SLC9B1: variants seen among roughly 807,000 people sequenced by gnomAD.
SLC9B1 encodes the protein sodium/hydrogen exchanger 9B1.
SLC9B1 carries 32 observed loss-of-function variants against 51.7 expected under a neutral mutation model. The ratio of observed to expected loss-of-function variants is 0.62; its 90% CI spans 0.47 to 0.83. SLC9B1 has a LOEUF of 0.83. Among genes scored for constraint, SLC9B1 ranks in the 40% least tolerant of loss-of-function variants. The pLI is 0.00. For synonymous variants in SLC9B1, 145 were observed against 212.7 expected (o/e 0.68, Z 2.77); for missense variants, 406 against 613.2 (o/e 0.66, Z 3.57).
At chr4:102,971,658 T>C (rs1301032531) in intron 3 of SLC9B1, among the ~76,000 whole-genome samples, 1 of 152,038 alleles carries the variant, frequency 6.6e-6, no homozygotes, top group East Asian at 1.9e-4. Flanking sequence ...CTGAAGGAGA[T>C]AGAGACATAA....
chr4:102,913,192 T>C (rs1578340446), intron 7 of SLC9B1, among the ~76,000 whole-genome samples: 5 of 152,246 alleles, frequency 3.3e-5, no homozygotes, highest in Admixed American at 3.3e-4. Flanking sequence ...AACGGAATAG[T>C]TTTATGAGGT....
intron 3 of SLC9B1, among the ~76,000 whole-genome samples, chr4:102,970,829 G>T (rs1738717713): frequency 1.3e-5 from 2 of 152,106 alleles, no homozygotes; most frequent in South Asian, 2.1e-4. Flanking sequence ...AATAGCAGGG[G>T]TTGCAATCCT....
chr4:102,918,096 G>GAAA (rs71596380), intron 7 of SLC9B1, among the ~76,000 whole-genome samples: 1 of 120,624 alleles, frequency 8.3e-6, no homozygotes, highest in Non-Finnish European at 1.6e-5. Flanking sequence ...AAAGGCTAGA[G>GAAA]AAAAAAAAAA....
At chr4:102,991,368 C>T (rs1023396252) in intron 2 of SLC9B1, among the ~76,000 whole-genome samples, 56 of 152,012 alleles carry the variant, frequency 3.7e-4, no homozygotes, top group Admixed American at 3.7e-3. Context: ...ACTGAGTTTT[C>T]CCTGAATGTG....
At chr4:102,963,675 C>T (rs1738263119) in intron 3 of SLC9B1, among the ~76,000 whole-genome samples, 1 of 152,076 alleles carries the variant, frequency 6.6e-6, no homozygotes, top group Admixed American at 6.6e-5. Flanking sequence ...TCAAAAATGG[C>T]CCAAAATAGT....
chr4:103,016,134 CAA>C (rs61227731), intron 1 of SLC9B1, among the ~76,000 whole-genome samples: 23 of 49,630 alleles, frequency 4.6e-4, no homozygotes, highest in East Asian at 6.4e-4. Context: ...AACTCTGTCT[CAA>C]AAAAAAAAAA....
intron 1 of SLC9B1, among the ~76,000 whole-genome samples, chr4:102,994,033 GTC>G (rs1330891082): frequency 6.6e-6 from 1 of 152,148 alleles, no homozygotes; most frequent in East Asian, 1.9e-4. Flanking sequence ...TGCCACAAAG[GTC>G]TCTGAAAATG....
At chr4:102,942,439 T>C (rs1737051536) in intron 6 of SLC9B1, among the ~76,000 whole-genome samples, 1 of 152,170 alleles carries the variant, frequency 6.6e-6, no homozygotes. Flanking sequence ...ACTATAAGGC[T>C]ATAGTCACCA....
At chr4:102,912,435 CATTAAT>C (rs1437810662) in intron 7 of SLC9B1, among the ~76,000 whole-genome samples, 1 of 151,634 alleles carries the variant, frequency 6.6e-6, no homozygotes, top group Admixed American at 6.6e-5. Context: ...ATTTTATATT[CATTAAT>C]ATTAATATAT....
chr4:102,889,580 A>G (rs1187593127), intron 11 of SLC9B1: 8 of 152,270 alleles, frequency 5.3e-5, no homozygotes, highest in Non-Finnish European at 1.2e-4. Flanking sequence ...TATCTCATAA[A>G]AGGTAATTTT....
chr4:102,959,038 A>C (rs573433730), intron 3 of SLC9B1, among the ~76,000 whole-genome samples: 1 of 152,322 alleles, frequency 6.6e-6, no homozygotes, highest in South Asian at 2.1e-4. Flanking sequence ...CATAGAAAAC[A>C]AATAACAAAA....
At chr4:102,985,325 A>G (rs866992554) in intron 3 of SLC9B1, among the ~76,000 whole-genome samples, 1 of 152,182 alleles carries the variant, frequency 6.6e-6, no homozygotes, top group Non-Finnish European at 1.5e-5. Context: ...TTGGGTTAAT[A>G]TCAATCATGC....
At chr4:102,910,364 G>A (rs1735279656) in intron 9 of SLC9B1, 75 bp downstream of exon 9, 1 of 1,316,406 alleles carries the variant, frequency 7.6e-7, no homozygotes, top group Non-Finnish European at 1.0e-6. Flanking sequence ...CAACCAGAAT[G>A]AGGGGATTTC....
At chr4:102,916,159 G>A (rs1269063473) in intron 7 of SLC9B1, among the ~76,000 whole-genome samples, 3 of 152,084 alleles carry the variant, frequency 2.0e-5, no homozygotes, top group Non-Finnish European at 4.4e-5. Context: ...TGGCCAAATG[G>A]ATTTAAAAAA....
chr4:102,975,298 G>A (rs1158886862), intron 3 of SLC9B1, among the ~76,000 whole-genome samples: 4 of 151,982 alleles, frequency 2.6e-5, no homozygotes, highest in African/African-American at 4.8e-5. Context: ...CATCAGCCAC[G>A]GCACCTGGCC....
chr4:102,955,847 AAG>A (rs1350530032), intron 3 of SLC9B1, among the ~76,000 whole-genome samples: 2 of 74,780 alleles, frequency 2.7e-5, no homozygotes, highest in Admixed American at 1.3e-4. Flanking sequence ...GAGAGAGAGA[AAG>A]AAAGAAAGAA....
intron 3 of SLC9B1, among the ~76,000 whole-genome samples, chr4:102,968,286 G>C (rs1738539302): frequency 2.0e-5 from 3 of 152,020 alleles, no homozygotes; most frequent in Admixed American, 2.0e-4. Context: ...TATAATAACT[G>C]GTTATTCATT....
At chr4:102,984,461 G>A (rs1379724384) in intron 3 of SLC9B1, among the ~76,000 whole-genome samples, 1 of 152,142 alleles carries the variant, frequency 6.6e-6, no homozygotes, top group African/African-American at 2.4e-5. Context: ...TTGATTTGGT[G>A]TTATCTAGAA....
chr4:102,947,956 T>A (rs996225786), intron 4 of SLC9B1, among the ~76,000 whole-genome samples: 15 of 152,354 alleles, frequency 9.8e-5, no homozygotes, highest in African/African-American at 3.6e-4. Context: ...TAATTTTTGG[T>A]GAATCCATGA....
Sources: gnomAD v4.1 joint callset for allele counts (sites outside exome capture counted in the v4.1 genomes callset) on GRCh38, gnomAD v4.1.1 for gene constraint, MANE v1.5 for transcripts, NCBI Gene and HGNC (gene_info 2026-07-23, HGNC 2026-07-21) for gene names.